Variants in ATP10A observed in about 807,000 individuals in gnomAD.
The protein encoded by ATP10A is phospholipid-transporting ATPase VA.
In ATP10A, 111 loss-of-function variants were observed where a neutral mutation model predicts 147.8. The ratio of observed to expected loss-of-function variants is 0.75; its 90% CI spans 0.64 to 0.88. The LOEUF (loss-of-function observed/expected upper bound fraction) is 0.88. Among genes scored for constraint, ATP10A ranks in the 40% least tolerant of loss-of-function variants. ATP10A has a pLI of 0.00. For synonymous variants in ATP10A, 875 were observed against 841.6 expected, an observed-to-expected ratio of 1.04 and a Z score of -0.69; for missense variants, 1,927 against 1,959.0, an observed-to-expected ratio of 0.98 and a Z score of 0.31.
At chr15:25,778,554 C>T (rs1410669087) in intron 2 of ATP10A, among the ~76,000 whole-genome samples, 3 of 150,682 alleles carry the variant, frequency 2.0e-5, no homozygotes, top group Non-Finnish European at 2.9e-5. Context: ...AATGTGCATG[C>T]AGGTAAAGAA....
chr15:25,824,761 T>C (rs1054098603), intron 1 of ATP10A, among the ~76,000 whole-genome samples: 21 of 152,090 alleles, frequency 1.4e-4, no homozygotes, highest in African/African-American at 5.1e-4. Flanking sequence ...CCAAAAACAT[T>C]TATTCAAGAA....
chr15:25,688,855 G>A (rs1242421135), intron 15 of ATP10A, among the ~76,000 whole-genome samples: 1 of 152,132 alleles, frequency 6.6e-6, no homozygotes, highest in African/African-American at 2.4e-5. Flanking sequence ...AACACATAGG[G>A]GCTTAAAAGG....
At position 25,753,563 on chromosome 15, in the gene ATP10A, C is replaced by G. The variant is rs58593505; in HGVS notation, c.655-17422G>C. On this transcript the variant is annotated intron_variant, in intron 2 of 20. Coordinates refer to ENST00000555815, the MANE Select transcript of ATP10A (RefSeq NM_024490.4). ...AAAGGCACCCCTAACTGCACCCCCC[C>G]ACAAGTCACTCTTAAGGGCTGTAAT... 2.3e-4 allele frequency among the ~76,000 whole-genome samples: 35 copies of G among 150,924 alleles called. 1 individual carries two copies. Among genetic ancestry groups the G allele is most frequent in the Admixed American group, 1.2e-3 (18 of 15,124 alleles).
chr15:25,701,076 C>A lies in ATP10A; in HGVS notation c.2760+840G>T, dbSNP rs567085062. Among the ~76,000 whole-genome samples the A allele has an allele frequency of 5.9e-5, 9 of 152,218 alleles. No individual in the cohort carries two copies. In the South Asian group the frequency reaches 1.9e-3, roughly 32 times the overall value. ...ATCTGGATCATAGAATCCAATGGAA[C>A]AAGGTGCGAGGGTCACAATGGCGTC... On this transcript the variant is annotated intron_variant, in intron 13 of 20. Coordinates refer to ENST00000555815, the MANE Select transcript of ATP10A (RefSeq NM_024490.4).
intron 2 of ATP10A, among the ~76,000 whole-genome samples, chr15:25,770,198 C>T (rs1425150559): frequency 2.0e-5 from 3 of 150,918 alleles, no homozygotes; most frequent in South Asian, 2.1e-4. Flanking sequence ...CATCACAACA[C>T]GACCCGGGCG....
Position 25,694,945 on chromosome 15 carries a change from C to T in ATP10A, c.2962G>A (p.Glu988Lys). The T allele has an allele frequency of 1.2e-6, 2 of 1,614,190 alleles. No individual in the cohort carries two copies. Among genetic ancestry groups the T allele is most frequent in the East Asian group, 2.2e-5 (1 of 44,872 alleles). ...TTGGCAAGGAAGAGGAATTTGTCCTCCAGGTTTTTCTCGAGAGCGTAGGCC... is the reference window on the plus strand; with the variant it reads ...TTGGCAAGGAAGAGGAATTTGTCCTTCAGGTTTTTCTCGAGAGCGTAGGCC... Reference protein sequence around the residue: ...SLAYALEKNLEDKFLFLAKQC... With the variant: ...SLAYALEKNLKDKFLFLAKQC... Residue 988 changes from glutamate (E) to lysine (K), a missense_variant, in exon 14 of 21, where the codon GAG becomes AAG. Coordinates refer to ENST00000555815, the MANE Select transcript of ATP10A (RefSeq NM_024490.4).
chr15:25,752,995 G>A (rs977075925), intron 2 of ATP10A, among the ~76,000 whole-genome samples: 1 of 151,520 alleles, frequency 6.6e-6, no homozygotes, highest in Non-Finnish European at 1.5e-5. Context: ...AAATTTATGG[G>A]GTATAAAGTA....
chr15:25,711,080 A>G (rs368223369), intron 10 of ATP10A, among the ~76,000 whole-genome samples: 1 of 151,810 alleles, frequency 6.6e-6, no homozygotes, highest in African/African-American at 2.4e-5. Context: ...TGGGATTTGA[A>G]CAGAGATCTG....
chr15:25,705,921 C>T (rs564668386), intron 12 of ATP10A, among the ~76,000 whole-genome samples: 1 of 152,268 alleles, frequency 6.6e-6, no homozygotes, highest in South Asian at 2.1e-4. Context: ...GGAGTTCCAT[C>T]GCTGACACAT....
At chr15:25,798,495 C>G (rs561963541) in intron 1 of ATP10A, among the ~76,000 whole-genome samples, 1 of 152,286 alleles carries the variant, frequency 6.6e-6, no homozygotes, top group African/African-American at 2.4e-5. Context: ...GGCCGAAGCC[C>G]AGATTCATCT....
chr15:25,852,145 C>T (rs1436313869), intron 1 of ATP10A, among the ~76,000 whole-genome samples: 1 of 151,996 alleles, frequency 6.6e-6, no homozygotes, highest in African/African-American at 2.4e-5. Flanking sequence ...TAATGCCATC[C>T]TCCCTCCTAT....
chr15:25,754,155 G>A (rs183092197), intron 2 of ATP10A, among the ~76,000 whole-genome samples: 1 of 152,104 alleles, frequency 6.6e-6, no homozygotes, highest in African/African-American at 2.4e-5. Context: ...TGTTTTTTGA[G>A]ATGGAGTCTC....
At chr15:25,825,855 C>T (rs940148971) in intron 1 of ATP10A, among the ~76,000 whole-genome samples, 2 of 151,868 alleles carry the variant, frequency 1.3e-5, no homozygotes, top group Admixed American at 6.6e-5. Context: ...AAAAATTGTC[C>T]CCAAGCAAGC....
intron 1 of ATP10A, among the ~76,000 whole-genome samples, chr15:25,804,346 G>A (rs1891081853): frequency 6.6e-6 from 1 of 151,106 alleles, no homozygotes; most frequent in Non-Finnish European, 1.5e-5. Context: ...AGGTGTTTAT[G>A]ATGTGACGCT....
chr15:25,708,454 T>TA (rs1901185979), intron 10 of ATP10A, 154 bp from the exon 11 acceptor site: 4 of 599,166 alleles, frequency 6.7e-6, no homozygotes, highest in Middle Eastern at 3.0e-4. Flanking sequence ...TGTTATGTTT[T>TA]AAAAAAGAGT....
intron 1 of ATP10A, among the ~76,000 whole-genome samples, chr15:25,836,431 C>A (rs1409940255): frequency 6.6e-6 from 1 of 152,128 alleles, no homozygotes; most frequent in Non-Finnish European, 1.5e-5. Context: ...AGAAACACAC[C>A]CAACAACAGA....
chr15:25,856,191 G>A (rs553273341), intron 1 of ATP10A, among the ~76,000 whole-genome samples: 2 of 152,160 alleles, frequency 1.3e-5, no homozygotes, highest in Non-Finnish European at 2.9e-5. Flanking sequence ...CACGTGTCAA[G>A]GGCAGGACCA....
At position 25,755,704 on chromosome 15, in the gene ATP10A, G is replaced by A. The variant is rs142984251; in HGVS notation, c.655-19563C>T. Reference sequence around the variant, plus strand: ...CAGGACAGATGGGCCTCTGAGGGAAGCTTCAGGAGACTTCTACCTAATATG... The same window carrying A: ...CAGGACAGATGGGCCTCTGAGGGAAACTTCAGGAGACTTCTACCTAATATG... On this transcript the variant is annotated intron_variant, in intron 2 of 20. Transcript: ENST00000555815. 7.6e-3 allele frequency among the ~76,000 whole-genome samples: 1,154 copies of A among 152,286 alleles called. 8 individuals carry two copies. The highest frequency in any genetic ancestry group is 0.026 in the African/African-American group (1,100 of 41,562).
Position 25,708,101 on chromosome 15 carries a change from A to G in ATP10A, c.2450T>C (p.Val817Ala), listed in dbSNP as rs115998251. The change falls in exon 12 of 21, where the codon GTT becomes GCT. Residue 817 changes from valine (V) to alanine (A), a missense_variant and splice_region_variant. Physicochemically the swap from Val to Ala is moderately conservative, Grantham distance 64. Transcript: ENST00000555815. ...GLRTLCIAKRVLSKEEYACWL... is the reference protein window; with the variant it reads ...GLRTLCIAKRALSKEEYACWL... The stretch of plus-strand genomic sequence containing the variant: ...GCAGGCATACTCTTCTTTACTCAGA[A>G]CCTATGGGAGATACATTGTTGAGTG... 10 of 1,613,802 alleles carry G rather than the reference A, an allele frequency of 6.2e-6. No individual in the cohort carries two copies. In the Admixed American group the frequency reaches 8.3e-5, roughly 13 times the overall value.
Sources: gnomAD v4.1 joint callset for allele counts (sites outside exome capture counted in the v4.1 genomes callset) on GRCh38, gnomAD v4.1.1 for gene constraint, MANE v1.5 for transcripts, NCBI Gene and HGNC (gene_info 2026-07-23, HGNC 2026-07-21) for gene names.